The following MSL3 variants were observed in gnomAD, a reference collection of about 807,000 sequenced individuals.
MSL3 encodes MSL3-like 1.
Under a neutral mutation model 37.2 loss-of-function variants are expected in MSL3, and 5 were observed. The observed-to-expected ratio is 0.13, with a 90% CI of 0.07 to 0.28. The LOEUF (loss-of-function observed/expected upper bound fraction) is 0.28, where lower values mean the gene tolerates loss of function less well. Among genes scored for constraint, MSL3 ranks in the 10% least tolerant of loss-of-function variants. The probability of loss-of-function intolerance (pLI) is 1.00; values close to 1 mark genes in which losing one functional copy is unlikely to be tolerated. For missense variants in MSL3, 315 were observed against 408.5 expected (o/e 0.77, Z 1.97); for synonymous variants, 149 against 147.6 (o/e 1.01, Z -0.07).
At chrX:11,772,114 C>T (rs763721809) in intron 10 of MSL3, 42 bp from the exon 11 acceptor site, 1 of 969,167 alleles carries the variant, frequency 1.0e-6, no homozygotes, top group South Asian at 2.0e-5. Context: ...GGAAGTGTCT[C>T]CATTAAGAAT....
chrX:11,766,447 T>G, intron 9 of MSL3: 1 of 753,325 alleles, frequency 1.3e-6, no homozygotes, highest in Non-Finnish European at 1.6e-6. Context: ...TATTATACAC[T>G]AACCAGGCAT....
chrX:11,761,331 A>C (rs187800459), intron 4 of MSL3, among the ~76,000 whole-genome samples, 169 bp from the exon 5 acceptor site: 1 of 113,089 alleles, frequency 8.8e-6, no homozygotes, highest in Admixed American at 9.3e-5. Flanking sequence ...TTGGTTGTCA[A>C]AATAAATTTC....
rs1465111373 is a variant in MSL3, at chrX:11,765,584, A to T, written c.1026A>T (p.Pro342=). 1.3e-5 allele frequency: 16 copies of T among 1,209,290 alleles called. No homozygotes were observed. Among genetic ancestry groups the T allele is most frequent in the African/African-American group, 1.8e-5 (1 of 56,896 alleles). Residue 342 remains proline, a synonymous_variant, in exon 9 of 13, where the codon CCA becomes CCT. Transcript: ENST00000312196. ...CCCCCAAAAGGCGCAAAGCTGAGCC[A>T]GAAGCATTGCAGTCTCTGAGGCGGT... is the stretch of plus-strand genomic sequence containing the variant. ...PATPKRRKAE[P]EALQSLRRST... is the part of the protein sequence containing the mutation.
At chrX:11,761,016 C>T in intron 4 of MSL3, 79 bp downstream of exon 4, 1 of 699,615 alleles carries the variant, frequency 1.4e-6, no homozygotes, top group East Asian at 3.6e-5. Context: ...AAATTCTAGA[C>T]AGGGAAACAC....
At chrX:11,760,685 T>C (rs1352349169) in intron 3 of MSL3, 152 bp from the exon 4 acceptor site, 2 of 541,196 alleles carry the variant, frequency 3.7e-6, no homozygotes, top group African/African-American at 4.8e-5. Flanking sequence ...GAGTGGTTAT[T>C]GTATAATTTT....
rs1447400310 is a variant in MSL3, at chrX:11,762,970, A to C, written c.722A>C (p.Asn241Thr). 8.3e-7 allele frequency: 1 copy of C among 1,207,980 alleles called. No homozygotes were observed. The highest frequency in any genetic ancestry group is 3.0e-5 in the East Asian group (1 of 33,644). The change falls in exon 7 of 13, where the codon AAC becomes ACC. Residue 241 changes from asparagine (N) to threonine (T), a missense_variant. Physicochemically the swap from Asn to Thr is moderately conservative, Grantham distance 65. Coordinates refer to ENST00000312196, the MANE Select transcript of MSL3 (RefSeq NM_078629.4). ...HHHVMPHANM[N>T]VHYIPAEKNV... ...CACGTTATGCCACATGCCAACATGA[A>C]CGTGCATTATATCCCAGCAGAAAAG...
At chrX:11,772,743 C>T in intron 12 of MSL3, 38 bp downstream of exon 12, 3 of 887,439 alleles carry the variant, frequency 3.4e-6, no homozygotes, top group Non-Finnish European at 3.2e-6. Flanking sequence ...CACCTGTTGC[C>T]ATATATGTGG....
intron 10 of MSL3, among the ~76,000 whole-genome samples, chrX:11,771,724 C>T (rs72612855): frequency 0.033 from 3,681 of 111,224 alleles, 109 homozygotes; most frequent in East Asian, 0.22. Context: ...GGATTACAGG[C>T]GTCCACCACC....
chrX:11,772,010 C>T (rs2053236400), intron 10 of MSL3, 146 bp from the exon 11 acceptor site: 2 of 456,820 alleles, frequency 4.4e-6, no homozygotes, highest in Admixed American at 7.2e-5. Flanking sequence ...TTTTGCCTTT[C>T]ATCTTTGTTT....
At chrX:11,758,674 G>A in intron 1 of MSL3, 1 of 1,165,911 alleles carries the variant, frequency 8.6e-7, no homozygotes, top group Non-Finnish European at 1.1e-6. Flanking sequence ...TGAGGGAGGA[G>A]GCTTCTCGAA....
chrX:11,769,302 C>T (rs895921822), intron 10 of MSL3, among the ~76,000 whole-genome samples: 6 of 112,358 alleles, frequency 5.3e-5, no homozygotes, highest in Non-Finnish European at 9.4e-5. Context: ...TACCAATAGC[C>T]GTCCCTTCAG....
At chrX:11,773,182 A>G (rs1256296065) in intron 12 of MSL3, among the ~76,000 whole-genome samples, 8 of 111,938 alleles carry the variant, frequency 7.1e-5, no homozygotes, top group East Asian at 5.6e-4. Flanking sequence ...CTGTGTTGTC[A>G]TGTATGAATT....
At chrX:11,758,617 G>A in intron 1 of MSL3, 1 of 1,144,343 alleles carries the variant, frequency 8.7e-7, no homozygotes. Flanking sequence ...ATGCTTTGTC[G>A]CGTTACCGGG....
chrX:11,765,384 A>G lies in MSL3; in HGVS notation c.909-83A>G, dbSNP rs1033806531. On this transcript the variant is annotated intron_variant, in intron 8 of 12. Transcript: ENST00000312196. The stretch of plus-strand genomic sequence containing the variant: ...CATATTTACGACCCTCCTGGAGTAG[A>G]GAGAGCATTTCGTGTCTTCAGAAGC... 2.7e-6 allele frequency: 3 copies of G among 1,093,467 alleles called. No homozygotes were observed. In the East Asian group the frequency reaches 9.1e-5, roughly 33 times the overall value. 90.1% of individuals were successfully genotyped at this position (1,093,467 alleles called of 1,213,427 possible). A position where few individuals can be genotyped will look rare whatever the true frequency, so the allele number is the denominator to read the frequency against.
intron 9 of MSL3, chrX:11,768,348 G>A: frequency 3.2e-6 from 1 of 308,566 alleles, no homozygotes; most frequent in Non-Finnish European, 5.6e-6. Flanking sequence ...CATTCACTAA[G>A]CATAGTCTTT....
Position 11,771,562 on chromosome X carries a change from A to G in MSL3, c.1282-594A>G, listed in dbSNP as rs147025416. 5.5e-3 allele frequency among the ~76,000 whole-genome samples: 619 copies of G among 112,674 alleles called. 2 individuals are homozygous for G. The highest frequency in any genetic ancestry group is 0.019 in the African/African-American group (600 of 31,055). ...TAATGCTTCATTCTCTCTCTAGTGC[A>G]GCAGGATTTTCTTTTTTCTGGGTGG... On this transcript the variant is annotated intron_variant, in intron 10 of 12. Transcript: ENST00000312196.
intron 8 of MSL3, 90 bp downstream of exon 8, chrX:11,764,028 G>A: frequency 1.2e-6 from 1 of 827,887 alleles, no homozygotes; most frequent in Middle Eastern, 3.1e-4. Context: ...GATGGTGTGG[G>A]CCAACATGTT....
At chrX:11,772,078 T>C (rs890816131) in intron 10 of MSL3, 78 bp from the exon 11 acceptor site, 3 of 697,130 alleles carry the variant, frequency 4.3e-6, no homozygotes, top group Non-Finnish European at 6.7e-6. Flanking sequence ...CTACGTACAA[T>C]TTACTGTCAT....
Position 11,758,353 on chromosome X carries a change from G to A in MSL3, c.90G>A (p.Leu30=). The change falls in exon 1 of 13, where the codon CTG becomes CTA. Residue 30 remains leucine (L), a synonymous_variant. Transcript: ENST00000312196. Reference sequence around the variant, plus strand: ...CTGACCCCACCAAGGCGCGAGTGCTGTACGATGCCAAGGTGCCGCCGCGGA... The same window carrying A: ...CTGACCCCACCAAGGCGCGAGTGCTATACGATGCCAAGGTGCCGCCGCGGA... ...FEPDPTKARV[L]YDAKIVDVIV... is the part of the protein sequence containing the mutation. The A allele has an allele frequency of 8.9e-7, 1 of 1,124,679 alleles. No homozygotes were observed. The highest frequency in any genetic ancestry group is 1.2e-6 in the Non-Finnish European group (1 of 849,724). 92.7% of individuals were successfully genotyped at this position (1,124,679 alleles called of 1,213,427 possible).
Sources: gnomAD v4.1 joint callset for allele counts (sites outside exome capture counted in the v4.1 genomes callset) on GRCh38, gnomAD v4.1.1 for gene constraint, MANE v1.5 for transcripts, NCBI Gene and HGNC (gene_info 2026-07-23, HGNC 2026-07-21) for gene names.